Variants in TTC23L observed in about 807,000 individuals in gnomAD.
TTC23L encodes the protein tetratricopeptide repeat protein 23-like.
Under a neutral mutation model 48.1 loss-of-function variants are expected in TTC23L, and 42 were observed. The observed-to-expected ratio is 0.87, with a 90% CI of 0.68 to 1.13. The LOEUF is 1.13. Ranked by LOEUF, TTC23L falls within the 50% of genes most tolerant of loss-of-function variation. The pLI is 0.00. For missense variants in TTC23L, 391 were observed against 421.0 expected, an observed-to-expected ratio of 0.93 and a Z score of 0.62; for synonymous variants, 159 against 157.2, an observed-to-expected ratio of 1.01 and a Z score of -0.09.
downstream of TTC23L, among the ~76,000 whole-genome samples, chr5:34,901,768 C>CAA (rs903867101): frequency 8.6e-5 from 13 of 151,948 alleles, no homozygotes; most frequent in African/African-American, 3.1e-4. Context: ...ATCTCAAAAA[C>CAA]AAAAACAAAA....
At chr5:34,883,199 T>C (rs975848079) in intron 9 of TTC23L, 6 of 158,340 alleles carry the variant, frequency 3.8e-5, no homozygotes, top group Non-Finnish European at 8.4e-5. Context: ...GAATAGGCAT[T>C]GTCCAAAAGG....
the TTC23L span, among the ~76,000 whole-genome samples, chr5:34,917,400 G>A: frequency 9.9e-5 from 15 of 152,004 alleles, no homozygotes; most frequent in Non-Finnish European, 1.5e-4. Context: ...TTGGGAGGCC[G>A]AGGCGGGTGG....
chr5:34,864,423 C>T lies in TTC23L; in HGVS notation c.537-14C>T, dbSNP rs547558956. ...GTTAGTTTGAGTGCTTGCCATTTTCCTTGACTATTTCACTGGCAGAGAAGC... is the reference window on the plus strand; with the variant it reads ...GTTAGTTTGAGTGCTTGCCATTTTCTTTGACTATTTCACTGGCAGAGAAGC... On this transcript the variant is annotated splice_polypyrimidine_tract_variant and intron_variant, in intron 5 of 10. Coordinates refer to ENST00000505624, the Ensembl canonical transcript of TTC23L. 32 of 1,612,998 alleles carry T rather than the reference C, an allele frequency of 2.0e-5. 1 individual carries two copies. In the African/African-American group the frequency reaches 4.0e-4, roughly 20 times the overall value.
At chr5:34,909,111 T>C in the TTC23L span, 39 of 855,502 alleles carry the variant, frequency 4.6e-5, no homozygotes, top group Admixed American at 3.1e-4. Flanking sequence ...GAACCCTACA[T>C]CCCCTAGTAA....
exon 5 of TTC23L, chr5:34,862,931 C>T (rs1329247484): frequency 6.2e-7 from 1 of 1,613,866 alleles, no homozygotes; most frequent in Non-Finnish European, 8.5e-7. Context: ...CATGCTACAT[C>T]AGCCAAGAAT....
intron 8 of TTC23L, among the ~76,000 whole-genome samples, chr5:34,878,735 C>T (rs959687968): frequency 1.3e-5 from 2 of 152,188 alleles, no homozygotes; most frequent in African/African-American, 4.8e-5. Flanking sequence ...CTCTCATACA[C>T]TGTTGGTGTG....
At chr5:34,907,672 C>G in the TTC23L span, 1 of 152,178 alleles carries the variant, frequency 6.6e-6, no homozygotes, top group Non-Finnish European at 1.5e-5. Flanking sequence ...ATTGCAGTTA[C>G]TTACAGCAAA....
the TTC23L span, among the ~76,000 whole-genome samples, chr5:34,912,714 C>T: frequency 0.21 from 31,742 of 151,984 alleles, 3,847 homozygotes; most frequent in East Asian, 0.36. Context: ...GAAAATCATT[C>T]GGCAACCGGT....
intron 4 of TTC23L, among the ~76,000 whole-genome samples, chr5:34,857,832 T>G (rs2150379945): frequency 6.6e-6 from 1 of 152,342 alleles, no homozygotes; most frequent in East Asian, 1.9e-4. Context: ...CAAGTCATAA[T>G]GACTAAACAA....
chr5:34,840,566 G>C lies in TTC23L; in HGVS notation c.-7-99G>C, dbSNP rs1403535633. The stretch of plus-strand genomic sequence containing the variant: ...TGGATTTAGGATGGGTTATATATTT[G>C]AGCAGTTTTAGTTTAATGTTAATAG... On this transcript the variant is annotated intron_variant, in intron 1 of 10. Coordinates refer to ENST00000505624, the Ensembl canonical transcript of TTC23L. The C allele has an allele frequency of 4.2e-6, 4 of 959,286 alleles. No homozygotes were observed. In the African/African-American group the frequency reaches 6.5e-5, roughly 16 times the overall value. 59.4% of individuals were successfully genotyped at this position (959,286 alleles called of 1,614,324 possible). A position where few individuals can be genotyped will look rare whatever the true frequency, so the allele number is the denominator to read the frequency against.
At chr5:34,841,527 T>C (rs1045593365) in intron 2 of TTC23L, among the ~76,000 whole-genome samples, 2 of 152,166 alleles carry the variant, frequency 1.3e-5, no homozygotes, top group Non-Finnish European at 2.9e-5. Context: ...TTTTGTTTTG[T>C]TTCGTTTTTA....
chr5:34,850,947 C>A (rs1759622472), intron 4 of TTC23L, among the ~76,000 whole-genome samples: 1 of 152,158 alleles, frequency 6.6e-6, no homozygotes, highest in Non-Finnish European at 1.5e-5. Context: ...ATTTCAGGAA[C>A]CAGGGACATA....
At chr5:34,866,282 CTA>C (rs1362433095) in intron 6 of TTC23L, among the ~76,000 whole-genome samples, 2 of 152,156 alleles carry the variant, frequency 1.3e-5, no homozygotes, top group Admixed American at 6.5e-5. Context: ...AACTATATCT[CTA>C]TGTGGATCAC....
the TTC23L span, among the ~76,000 whole-genome samples, chr5:34,910,516 T>A: frequency 2.0e-5 from 3 of 151,780 alleles, no homozygotes; most frequent in African/African-American, 7.3e-5. Context: ...CAACCTCCAC[T>A]TCCTGGGTTC....
chr5:34,874,077 C>T (rs1012177535), intron 8 of TTC23L, among the ~76,000 whole-genome samples: 2 of 152,128 alleles, frequency 1.3e-5, no homozygotes, highest in Non-Finnish European at 2.9e-5. Context: ...AATATTAACT[C>T]CTCTTAGATC....
At chr5:34,919,939 T>C in the TTC23L span, 1 of 660,050 alleles carries the variant, frequency 1.5e-6, no homozygotes, top group Non-Finnish European at 2.6e-6. Flanking sequence ...CAGTGGCTTA[T>C]TTCAAAACTA....
chr5:34,851,863 C>T (rs1759700087), intron 4 of TTC23L, among the ~76,000 whole-genome samples: 1 of 152,044 alleles, frequency 6.6e-6, no homozygotes, highest in African/African-American at 2.4e-5. Flanking sequence ...TATTGGTGGT[C>T]CCTATGCTCT....
the TTC23L span, chr5:34,922,555 C>T: frequency 1.9e-6 from 3 of 1,608,450 alleles, no homozygotes; most frequent in African/African-American, 4.0e-5. Flanking sequence ...AAATTCACCT[C>T]ACGGACCATC....
intron 6 of TTC23L, among the ~76,000 whole-genome samples, chr5:34,865,615 T>C (rs567553375): frequency 7.2e-5 from 11 of 152,362 alleles, no homozygotes; most frequent in African/African-American, 2.6e-4. Flanking sequence ...GAGTGCCTAC[T>C]AAGTATAACT....
Sources: allele counts gnomAD v4.1 joint callset (sites outside exome capture counted in the v4.1 genomes callset), GRCh38; gene constraint gnomAD v4.1.1; transcripts MANE v1.5; gene names NCBI Gene and HGNC (gene_info 2026-07-23, HGNC 2026-07-21).